The following ZPBP variants were observed in gnomAD, a reference collection of about 807,000 sequenced individuals.
ZPBP encodes the protein zona pellucida-binding protein 1.
In ZPBP, 26 loss-of-function variants were observed where a neutral mutation model predicts 44.8. The observed-to-expected ratio is 0.58, with a 90% CI of 0.43 to 0.81. The LOEUF (loss-of-function observed/expected upper bound fraction) is 0.81. ZPBP is among the 30% of genes least tolerant of loss of function. ZPBP has a pLI of 0.00. For synonymous variants in ZPBP, 174 were observed against 153.2 expected (o/e 1.14, Z -1.00); for missense variants, 409 against 434.0 (o/e 0.94, Z 0.51).
chr7:50,077,974 G>A (rs969914913), intron 3 of ZPBP, among the ~76,000 whole-genome samples: 1 of 151,674 alleles, frequency 6.6e-6, no homozygotes, highest in Admixed American at 6.6e-5. Context: ...CAATAGCTAA[G>A]ATTTAGAAGC....
chr7:49,904,933 AC>A (rs943500643), intron 1 of ZPBP, among the ~76,000 whole-genome samples: 3 of 151,924 alleles, frequency 2.0e-5, no homozygotes, highest in African/African-American at 7.3e-5. Context: ...ATGGGGTTTC[AC>A]CATCTTGGCC....
At chr7:50,031,679 T>A (rs1441906562) in intron 4 of ZPBP, among the ~76,000 whole-genome samples, 1 of 152,168 alleles carries the variant, frequency 6.6e-6, no homozygotes, top group Non-Finnish European at 1.5e-5. Context: ...ACTATGCTGC[T>A]CAAACTCAGG....
chr7:50,005,357 A>G (rs1798260698), intron 6 of ZPBP, among the ~76,000 whole-genome samples: 2 of 152,078 alleles, frequency 1.3e-5, no homozygotes, highest in South Asian at 2.1e-4. Context: ...AGAAAAATAT[A>G]AAACCCTGCA....
At chr7:50,042,976 T>C (rs1562866274) in intron 4 of ZPBP, among the ~76,000 whole-genome samples, 1 of 152,120 alleles carries the variant, frequency 6.6e-6, no homozygotes, top group Non-Finnish European at 1.5e-5. Flanking sequence ...GCACTTGACA[T>C]GCTCGTGATG....
At chr7:49,966,961 A>C (rs1399788792) in intron 7 of ZPBP, among the ~76,000 whole-genome samples, 2 of 152,102 alleles carry the variant, frequency 1.3e-5, no homozygotes, top group African/African-American at 4.8e-5. Flanking sequence ...AGGAAGGATA[A>C]AATGAAAGAG....
At chr7:50,090,041 C>G (rs1244867432) in intron 1 of ZPBP, among the ~76,000 whole-genome samples, 1 of 152,174 alleles carries the variant, frequency 6.6e-6, no homozygotes, top group Non-Finnish European at 1.5e-5. Flanking sequence ...CACTTCTTAT[C>G]TGCCACAGTA....
At chr7:49,974,386 G>A (rs1397330434) in intron 7 of ZPBP, among the ~76,000 whole-genome samples, 3 of 152,054 alleles carry the variant, frequency 2.0e-5, no homozygotes, top group Non-Finnish European at 4.4e-5. Context: ...AGGCAGGCCT[G>A]GAACATGTTA....
intron 6 of ZPBP, among the ~76,000 whole-genome samples, chr7:49,997,567 G>C (rs868766040): frequency 6.6e-6 from 1 of 152,192 alleles, no homozygotes; most frequent in Non-Finnish European, 1.5e-5. Flanking sequence ...AGTAAAGGGA[G>C]GTATTAGTGT....
chr7:49,915,865 A>G (rs1407589860), intron 1 of ZPBP: 1 of 152,180 alleles, frequency 6.6e-6, no homozygotes, highest in African/African-American at 2.4e-5. Flanking sequence ...AAAAACATAC[A>G]TGCTTCTTTG....
intron 1 of ZPBP, among the ~76,000 whole-genome samples, chr7:49,903,820 G>A (rs1351029664): frequency 1.3e-5 from 2 of 152,208 alleles, no homozygotes; most frequent in East Asian, 3.8e-4. Flanking sequence ...ATAGGCAGAA[G>A]AAAGAGAAAG....
intron 2 of ZPBP, among the ~76,000 whole-genome samples, chr7:49,862,050 T>G (rs1331228104): frequency 6.6e-6 from 1 of 152,212 alleles, no homozygotes; most frequent in African/African-American, 2.4e-5. Flanking sequence ...TTGTATTGAC[T>G]CTGTAGATTT....
At position 50,057,933 on chromosome 7, in the gene ZPBP, T is replaced by G. The variant is rs1801047563; in HGVS notation, c.487+56A>C. The G allele has an allele frequency of 2.6e-6, 4 of 1,514,116 alleles. No homozygotes were observed. In the African/African-American group the frequency reaches 5.5e-5, roughly 21 times the overall value. The allele number at this position is 1,514,116 out of a possible 1,614,324, so 93.8% of individuals were successfully genotyped here. A position where few individuals can be genotyped will look rare whatever the true frequency, so the allele number is the denominator to read the frequency against. On this transcript the variant is annotated intron_variant, in intron 4 of 7. Transcript: ENST00000046087. ...TTTAAGACAAGCCTACTTAAACATA[T>G]TTAAATGTTTAAAATCATTAAGAAA...
intron 1 of ZPBP, chr7:49,912,223 C>T (rs1468171798): frequency 1.2e-6 from 2 of 1,610,156 alleles, no homozygotes; most frequent in South Asian, 2.2e-5. Flanking sequence ...TTTTCTAGAA[C>T]ATTTTACTGA....
At chr7:49,851,477 T>A (rs1790176554) in intron 2 of ZPBP, among the ~76,000 whole-genome samples, 1 of 152,190 alleles carries the variant, frequency 6.6e-6, no homozygotes, top group Admixed American at 6.5e-5. Flanking sequence ...CGCAATGTTA[T>A]ATTGAAAGTG....
intron 7 of ZPBP, among the ~76,000 whole-genome samples, chr7:49,938,127 G>A (rs970406652): frequency 6.6e-6 from 1 of 152,068 alleles, no homozygotes; most frequent in African/African-American, 2.4e-5. Context: ...GGGGGTTGGG[G>A]ACCCCTGCTT....
chr7:50,083,335 T>G (rs1802465852), intron 2 of ZPBP, among the ~76,000 whole-genome samples: 1 of 151,972 alleles, frequency 6.6e-6, no homozygotes, highest in Non-Finnish European at 1.5e-5. Context: ...GTAAGACCTC[T>G]GTGGGAAACA....
At chr7:49,952,796 TG>T (rs1284984752) in intron 7 of ZPBP, among the ~76,000 whole-genome samples, 1 of 151,996 alleles carries the variant, frequency 6.6e-6, no homozygotes, top group Non-Finnish European at 1.5e-5. Context: ...TCCCAACTCC[TG>T]TAACATGCAA....
chr7:50,079,228 T>C (rs1192727731), intron 3 of ZPBP, among the ~76,000 whole-genome samples: 1 of 151,624 alleles, frequency 6.6e-6, no homozygotes, highest in African/African-American at 2.4e-5. Context: ...CTATGAACTC[T>C]GATAAAAGAC....
chr7:50,046,124 T>G (rs745447932), intron 4 of ZPBP, among the ~76,000 whole-genome samples: 5 of 152,176 alleles, frequency 3.3e-5, no homozygotes, highest in Non-Finnish European at 5.9e-5. Flanking sequence ...ACCTCTTCCT[T>G]ACACCTTGTA....
Sources: gnomAD v4.1 joint callset for allele counts (sites outside exome capture counted in the v4.1 genomes callset) on GRCh38, gnomAD v4.1.1 for gene constraint, MANE v1.5 for transcripts, NCBI Gene and HGNC (gene_info 2026-07-23, HGNC 2026-07-21) for gene names.